Variants in EFCAB6 observed in about 807,000 individuals in gnomAD.
The protein encoded by EFCAB6 is EF-hand calcium-binding domain-containing protein 6.
EFCAB6 carries 156 observed loss-of-function variants against 169.8 expected under a neutral mutation model. The ratio of observed to expected loss-of-function variants is 0.92; its 90% confidence interval spans 0.81 to 1.05. The LOEUF (loss-of-function observed/expected upper bound fraction) is 1.05. EFCAB6 is among the 50% of genes least tolerant of loss of function. The pLI, the probability that EFCAB6 is intolerant of heterozygous loss-of-function variation, is 0.00. For synonymous variants in EFCAB6, 698 were observed against 676.4 expected, an observed-to-expected ratio of 1.03 and a Z score of -0.50; for missense variants, 1,800 against 1,829.1, an observed-to-expected ratio of 0.98 and a Z score of 0.29.
At chr22:43,618,236 G>GAA (rs2053878793) in intron 20 of EFCAB6, among the ~76,000 whole-genome samples, 1 of 146,412 alleles carries the variant, frequency 6.8e-6, no homozygotes, top group African/African-American at 2.5e-5. Flanking sequence ...AAGAAAGAAA[G>GAA]AGAGAGAAAG....
intron 12 of EFCAB6, among the ~76,000 whole-genome samples, chr22:43,682,589 G>A (rs1462318957): frequency 6.6e-6 from 1 of 152,190 alleles, no homozygotes; most frequent in Non-Finnish European, 1.5e-5. Context: ...CCTGACCAGT[G>A]CTGGAGTGTG....
At chr22:43,543,405 G>C (rs138354327) in intron 27 of EFCAB6, among the ~76,000 whole-genome samples, 2 of 152,302 alleles carry the variant, frequency 1.3e-5, no homozygotes, top group Non-Finnish European at 2.9e-5. Flanking sequence ...CCCGAGGTGA[G>C]AGAGTGTGTG....
At chr22:43,564,041 G>A (rs182226151) in intron 26 of EFCAB6, among the ~76,000 whole-genome samples, 237 of 152,246 alleles carry the variant, frequency 1.6e-3, no homozygotes, top group Non-Finnish European at 2.4e-3. Context: ...CACCTCTCTG[G>A]GCTTCCGTCC....
Position 43,592,456 on chromosome 22 carries a change from CA to C in EFCAB6, c.2877-2228del, listed in dbSNP as rs544310098. 4.5e-3 allele frequency among the ~76,000 whole-genome samples: 690 copies of C among 152,290 alleles called. 2 individuals are homozygous for C. Among genetic ancestry groups the C allele is most frequent in the Non-Finnish European group, 4.9e-3 (333 of 68,038 alleles). ...AAATGAAGGTAGAAAAAAATCCAAACATTTTTTTGAGATACATATTTTTAGA... is the reference window on the plus strand; with the variant it reads ...AAATGAAGGTAGAAAAAAATCCAAACTTTTTTTGAGATACATATTTTTAGA... On this transcript the variant is annotated intron_variant, in intron 23 of 31. Coordinates refer to ENST00000262726, the MANE Select transcript of EFCAB6 (RefSeq NM_022785.4).
intron 10 of EFCAB6, among the ~76,000 whole-genome samples, chr22:43,688,601 T>A (rs765850308): frequency 6.6e-6 from 1 of 152,244 alleles, no homozygotes; most frequent in Non-Finnish European, 1.5e-5. Flanking sequence ...CTGCTCACTA[T>A]GCTGATTCTG....
chr22:43,792,065 GA>G (rs2062314530), intron 2 of EFCAB6, among the ~76,000 whole-genome samples: 1 of 152,180 alleles, frequency 6.6e-6, no homozygotes, highest in East Asian at 1.9e-4. Flanking sequence ...GTGGTGATGG[GA>G]GCCTGTGGCA....
rs191761501 is a variant in EFCAB6 at position 43,795,638 on chromosome 22, A to G, written c.-7-13313T>C. ...CTTCTCCGGCACTGTACATACCCCA[A>G]CTTCGCATTACACTTTTAGTTGGGA... On this transcript the variant is annotated intron_variant, in intron 2 of 31. Coordinates refer to ENST00000262726, the MANE Select transcript of EFCAB6 (RefSeq NM_022785.4). The surrounding 1 kb of genome is among the most constrained non-coding windows in gnomAD (Gnocchi z 4.2). 3.0e-4 allele frequency among the ~76,000 whole-genome samples: 45 copies of G among 152,066 alleles called. No homozygotes were observed. The East Asian group carries it at 5.6e-3, about 19-fold the overall frequency.
At chr22:43,749,307 G>T in intron 6 of EFCAB6, among the ~76,000 whole-genome samples, 1 of 152,112 alleles carries the variant, frequency 6.6e-6, no homozygotes, top group Non-Finnish European at 1.5e-5. Flanking sequence ...TGGTGAGTCT[G>T]GGGCCTCAGA....
intron 11 of EFCAB6, among the ~76,000 whole-genome samples, chr22:43,685,962 T>C (rs866995293): frequency 7.0e-6 from 1 of 142,446 alleles, no homozygotes; most frequent in Non-Finnish European, 1.5e-5. Flanking sequence ...CCTTTTACAA[T>C]GTAAATAAAT....
At chr22:43,591,195 C>T (rs1481862569) in intron 23 of EFCAB6, among the ~76,000 whole-genome samples, 3 of 149,618 alleles carry the variant, frequency 2.0e-5, no homozygotes, top group Non-Finnish European at 4.4e-5. Context: ...GGGTGGCTCA[C>T]GCCCACAATC....
In EFCAB6 at chr22:43,670,983, A is replaced by G. The variant is rs113388011; in HGVS notation, c.1640+990T>C. ...CTCATTTGATCCTTATCACAACTCT[A>G]GTAAGAAATATCTGGATGAAGAAAT... is the stretch of plus-strand genomic sequence containing the variant. On this transcript the variant is annotated intron_variant, in intron 15 of 31. Transcript: ENST00000262726. Among the ~76,000 whole-genome samples the G allele has an allele frequency of 1.8e-3, 270 of 152,320 alleles. 1 individual carries two copies. Among genetic ancestry groups the G allele is most frequent in the African/African-American group, 6.1e-3 (253 of 41,574 alleles).
intron 3 of EFCAB6, among the ~76,000 whole-genome samples, chr22:43,780,254 A>C (rs1173089836): frequency 1.3e-5 from 2 of 152,014 alleles, no homozygotes; most frequent in African/African-American, 4.8e-5. Flanking sequence ...TGGGAGGCCG[A>C]GGGGGATAGA....
chr22:43,716,770 T>C, intron 9 of EFCAB6, 78 bp downstream of exon 9: 1 of 1,504,068 alleles, frequency 6.6e-7, no homozygotes, highest in Non-Finnish European at 8.9e-7. Flanking sequence ...AAATAATGTG[T>C]AAACCTAATA....
At chr22:43,782,393 T>C (rs2061856185) in intron 2 of EFCAB6, 68 bp from the exon 3 acceptor site, 1 of 1,383,136 alleles carries the variant, frequency 7.2e-7, no homozygotes, top group Non-Finnish European at 1.0e-6. Flanking sequence ...GCCAATTTCC[T>C]ATCTATTCCT....
chr22:43,646,778 G>C (rs973885418), intron 17 of EFCAB6, among the ~76,000 whole-genome samples: 3 of 152,324 alleles, frequency 2.0e-5, no homozygotes, highest in Middle Eastern at 3.4e-3. Flanking sequence ...CTATAATTCT[G>C]ACTGATATGT....
intron 2 of EFCAB6, among the ~76,000 whole-genome samples, chr22:43,783,395 C>G (rs1424183007): frequency 6.6e-6 from 1 of 152,110 alleles, no homozygotes; most frequent in Non-Finnish European, 1.5e-5. Flanking sequence ...GAGGTGTGTG[C>G]TCAGGAAAGA....
intron 16 of EFCAB6, 110 bp from the exon 17 acceptor site, chr22:43,667,382 T>C: frequency 7.4e-7 from 1 of 1,351,640 alleles, no homozygotes; most frequent in Non-Finnish European, 1.0e-6. Context: ...AGGTTTCCCA[T>C]CCTCGGTTCA....
rs913289466 is a variant in EFCAB6, at chr22:43,558,637, G to A, written c.3421-3541C>T. 2.0e-5 allele frequency among the ~76,000 whole-genome samples: 3 copies of A among 152,148 alleles called. No homozygotes were observed. The South Asian group carries it at 6.2e-4, about 31-fold the overall frequency. ...TTAAGGAATTGGCAGTGCCACCCCA[G>A]CCTTCAGCAACCATCGACATTGAGG... On this transcript the variant is annotated intron_variant, in intron 26 of 31. Transcript: ENST00000262726.
chr22:43,782,689 T>C (rs1457396687), intron 2 of EFCAB6, among the ~76,000 whole-genome samples: 2 of 152,120 alleles, frequency 1.3e-5, no homozygotes, highest in Admixed American at 6.5e-5. Flanking sequence ...CAACATGCAG[T>C]CAGAGGCAAA....
Sources: gnomAD v4.1 joint callset for allele counts (sites outside exome capture counted in the v4.1 genomes callset) on GRCh38, gnomAD v4.1.1 for gene constraint, Gnocchi (gnomAD v3.1) non-coding constraint, MANE v1.5 for transcripts, NCBI Gene and HGNC (gene_info 2026-07-23, HGNC 2026-07-21) for gene names.